The following PTPRZ1 variants were observed in gnomAD, a reference collection of about 807,000 sequenced individuals.
PTPRZ1 encodes receptor-type tyrosine-protein phosphatase zeta.
In PTPRZ1, 82 loss-of-function variants were observed where a neutral mutation model predicts 214.1. The ratio of observed to expected loss-of-function variants is 0.38; its 90% CI spans 0.32 to 0.46. The LOEUF (loss-of-function observed/expected upper bound fraction) is 0.46. Ranked by LOEUF, PTPRZ1 falls within the 20% of genes least tolerant of loss-of-function variation. The pLI, the probability that PTPRZ1 is intolerant of heterozygous loss-of-function variation, is 1.00. For missense variants in PTPRZ1, 2,603 were observed against 2,748.7 expected (o/e 0.95, Z 1.19); for synonymous variants, 945 against 987.9 (o/e 0.96, Z 0.81).
At position 121,969,661 on chromosome 7, in the gene PTPRZ1, A is replaced by T. The variant is rs942129724; in HGVS notation, c.304+1531A>T. Reference sequence around the variant, plus strand: ...AGTATTTCTTGAATGAATAATTTTTAAAATTATTATGTTACATGTAATAAT... The same window carrying T: ...AGTATTTCTTGAATGAATAATTTTTTAAATTATTATGTTACATGTAATAAT... On this transcript the variant is annotated intron_variant, in intron 3 of 29. Transcript: ENST00000393386. Among the ~76,000 whole-genome samples the T allele has an allele frequency of 3.9e-5, 6 of 152,154 alleles. No homozygotes were observed. The South Asian group carries it at 1.0e-3, about 26-fold the overall frequency.
intron 14 of PTPRZ1, among the ~76,000 whole-genome samples, chr7:122,030,751 G>A (rs1396536854): frequency 1.3e-5 from 2 of 151,688 alleles, no homozygotes; most frequent in East Asian, 1.9e-4. Context: ...CTGTGAACTA[G>A]TAATATATTC....
chr7:121,877,042 A>G (rs867969554), intron 1 of PTPRZ1, among the ~76,000 whole-genome samples: 1 of 152,216 alleles, frequency 6.6e-6, no homozygotes. Context: ...AAGATCTCAA[A>G]GGAAGGCATA....
chr7:122,051,988 TCAAAACC>T lies in PTPRZ1; in HGVS notation c.6252+50_6252+56del, dbSNP rs758063739. 1.2e-5 allele frequency: 17 copies of T among 1,470,086 alleles called. No individual in the cohort carries two copies. The East Asian group carries it at 4.0e-4, about 35-fold the overall frequency. 91.1% of individuals were successfully genotyped at this position (1,470,086 alleles called of 1,614,324 possible). A position where few individuals can be genotyped will look rare whatever the true frequency, so the allele number is the denominator to read the frequency against. ...AGACTGCCAGCTTGTGTTACAGGGA[TCAAAACC>T]AGAATGGGCTGCCAGAAGCAAAGAC... On this transcript the variant is annotated intron_variant, in intron 25 of 29. Coordinates refer to ENST00000393386, the MANE Select transcript of PTPRZ1 (RefSeq NM_002851.3).
At chr7:121,956,119 G>A (rs1005746701) in intron 2 of PTPRZ1, among the ~76,000 whole-genome samples, 1 of 151,856 alleles carries the variant, frequency 6.6e-6, no homozygotes. Context: ...ACTCACACTC[G>A]TCCTACTGAT....
intron 1 of PTPRZ1, among the ~76,000 whole-genome samples, chr7:121,875,270 C>A (rs1020158337): frequency 2.6e-5 from 4 of 152,126 alleles, no homozygotes; most frequent in African/African-American, 9.7e-5. Context: ...ATTTGCCTAT[C>A]CTGGACATTT....
intron 14 of PTPRZ1, among the ~76,000 whole-genome samples, chr7:122,029,783 A>G (rs1799321124): frequency 6.6e-6 from 1 of 151,450 alleles, no homozygotes; most frequent in South Asian, 2.1e-4. Context: ...ATATATATTT[A>G]ACTATGATAT....
At chr7:122,059,038 C>T in intron 28 of PTPRZ1, 96 bp downstream of exon 28, 1 of 1,204,790 alleles carries the variant, frequency 8.3e-7, no homozygotes, top group African/African-American at 1.6e-5. Context: ...TTTGGACCCA[C>T]TGTGATGATT....
At chr7:121,934,510 A>C (rs1366491914) in intron 2 of PTPRZ1, among the ~76,000 whole-genome samples, 2 of 150,396 alleles carry the variant, frequency 1.3e-5, no homozygotes, top group Non-Finnish European at 3.0e-5. Flanking sequence ...AAAAAAAAAA[A>C]AAGCTCTGCA....
At chr7:122,054,664 T>C (rs916913949) in intron 26 of PTPRZ1, among the ~76,000 whole-genome samples, 2 of 152,110 alleles carry the variant, frequency 1.3e-5, no homozygotes, top group Non-Finnish European at 2.9e-5. Context: ...TTGAATCTTC[T>C]GTACTCAGTT....
At chr7:122,056,516 A>G (rs1212270407) in intron 27 of PTPRZ1, among the ~76,000 whole-genome samples, 1 of 151,882 alleles carries the variant, frequency 6.6e-6, no homozygotes, top group African/African-American at 2.4e-5. Flanking sequence ...AGGCACTTTA[A>G]CCAAATATCA....
intron 12 of PTPRZ1, among the ~76,000 whole-genome samples, chr7:122,016,751 A>G (rs1798854619): frequency 6.6e-6 from 1 of 151,726 alleles, no homozygotes; most frequent in Non-Finnish European, 1.5e-5. Context: ...ACATATATAA[A>G]TGAAATATGT....
At chr7:122,023,755 A>G (rs1321412621) in intron 13 of PTPRZ1, among the ~76,000 whole-genome samples, 1 of 132,864 alleles carries the variant, frequency 7.5e-6, no homozygotes, top group Admixed American at 8.3e-5. Context: ...AATTATATAT[A>G]TAATGTATAA....
chr7:121,995,169 T>C (rs1285088738), intron 8 of PTPRZ1, among the ~76,000 whole-genome samples: 1 of 152,128 alleles, frequency 6.6e-6, no homozygotes, highest in African/African-American at 2.4e-5. Context: ...GTTCATGAGG[T>C]GAACTGCAAA....
chr7:122,044,579 T>C lies in PTPRZ1; in HGVS notation c.6084+11T>C. On this transcript the variant is annotated intron_variant, in intron 23 of 29. Transcript: ENST00000393386. The stretch of plus-strand genomic sequence containing the variant: ...GAGAAACAATTCCAGGTGAGTCCTC[T>C]TGGAAGCCTCTTGGATGTCACTACA... 1 of 1,612,334 alleles carries C rather than the reference T, an allele frequency of 6.2e-7. No individual in the cohort carries two copies. The highest frequency in any genetic ancestry group is 8.5e-7 in the Non-Finnish European group (1 of 1,179,022).
chr7:121,964,991 A>G (rs985327765), intron 2 of PTPRZ1, among the ~76,000 whole-genome samples: 2 of 152,182 alleles, frequency 1.3e-5, no homozygotes, highest in African/African-American at 2.4e-5. Flanking sequence ...GGCCATAACA[A>G]GGAGCTCATG....
rs1393426649 is a variant in PTPRZ1, at chr7:122,050,456, A to AGGAAGGGGAGGGGAGGGG, written c.6085-972_6085-971insGGAAGGGGAGGGGAGGGG. 1.2e-3 allele frequency among the ~76,000 whole-genome samples: 159 copies of AGGAAGGGGAGGGGAGGGG among 128,034 alleles called. 1 individual carries two copies. The highest frequency in any genetic ancestry group is 3.8e-3 in the Middle Eastern group (1 of 264). 84.0% of individuals were successfully genotyped at this position (128,034 alleles called of 152,430 possible). On this transcript the variant is annotated intron_variant, in intron 23 of 29. Coordinates refer to ENST00000393386, the MANE Select transcript of PTPRZ1 (RefSeq NM_002851.3). ...ATTGAAGGGGAGGAGAGGGGAGGGAAAAGGAGAGGAGGGGAGGGGAGGAAA... is the reference window on the plus strand; with the variant it reads ...ATTGAAGGGGAGGAGAGGGGAGGGAAGGAAGGGGAGGGGAGGGGAAGGAGAGGAGGGGAGGGGAGGAAA...
Position 122,012,081 on chromosome 7 carries a change from G to T in PTPRZ1, c.3035G>T (p.Gly1012Val). 4 of 1,614,098 alleles carry T rather than the reference G, an allele frequency of 2.5e-6. No individual in the cohort carries two copies. The highest frequency in any genetic ancestry group is 1.6e-4 in the Middle Eastern group (1 of 6,062). Residue 1012 changes from glycine (G) to valine (V), a missense_variant, in exon 12 of 30, where the codon GGG becomes GTG. Gly to Val is a moderately radical substitution (Grantham distance 109). Transcript: ENST00000393386. Reference sequence around the variant, plus strand: ...GAATTTCTTTTACCTGACACAGATGGGCTGACAGCCCTTAACATTTCTTCA... The same window carrying T: ...GAATTTCTTTTACCTGACACAGATGTGCTGACAGCCCTTAACATTTCTTCA... Reference protein sequence around the residue: ...DSEFLLPDTDGLTALNISSPV... With the variant: ...DSEFLLPDTDVLTALNISSPV...
At position 122,054,997 on chromosome 7, in the gene PTPRZ1, C is replaced by T. The variant is rs894739376; in HGVS notation, c.6438C>T (p.Ser2146=). Residue 2146 remains serine, a synonymous_variant, in exon 27 of 30, where the codon AGC becomes AGT. Coordinates refer to ENST00000393386, the MANE Select transcript of PTPRZ1 (RefSeq NM_002851.3). ...PNKDEPINCE[S]FKVTLMAEEH... The stretch of plus-strand genomic sequence containing the variant: ...AAGATGAGCCTATAAATTGTGAGAG[C>T]TTTAAGGTCACTCTTATGGCTGAAG... 8.1e-6 allele frequency: 13 copies of T among 1,608,378 alleles called. No homozygotes were observed. Among genetic ancestry groups the T allele is most frequent in the Non-Finnish European group, 1.1e-5 (13 of 1,176,384 alleles).
intron 2 of PTPRZ1, among the ~76,000 whole-genome samples, chr7:121,935,184 G>A (rs1054465142): frequency 2.0e-5 from 3 of 152,102 alleles, no homozygotes; most frequent in Non-Finnish European, 4.4e-5. Context: ...TTAAGATGTG[G>A]CTACAGAATA....
Sources: allele counts gnomAD v4.1 joint callset (sites outside exome capture counted in the v4.1 genomes callset), GRCh38; gene constraint gnomAD v4.1.1; transcripts MANE v1.5; gene names NCBI Gene and HGNC (gene_info 2026-07-23, HGNC 2026-07-21).